NXPH1: variants seen among roughly 807,000 people sequenced by gnomAD.
NXPH1 encodes neurexophilin-1.
In NXPH1, 5 loss-of-function variants were observed where a neutral mutation model predicts 23.7. The ratio of observed to expected loss-of-function variants is 0.21; its 90% CI spans 0.11 to 0.44. The LOEUF (loss-of-function observed/expected upper bound fraction) is 0.44, where lower values mean the gene tolerates loss of function less well. Ranked by LOEUF, NXPH1 falls within the 20% of genes least tolerant of loss-of-function variation. The pLI, the probability that NXPH1 is intolerant of heterozygous loss-of-function variation, is 0.99. For synonymous variants in NXPH1, 144 were observed against 122.2 expected, an observed-to-expected ratio of 1.18 and a Z score of -1.18; for missense variants, 324 against 321.6, an observed-to-expected ratio of 1.01 and a Z score of -0.06.
chr7:8,503,949 G>C (rs1273091463), intron 2 of NXPH1, among the ~76,000 whole-genome samples: 2 of 151,946 alleles, frequency 1.3e-5, no homozygotes, highest in African/African-American at 2.4e-5. Context: ...CTACATTGTG[G>C]TCCTAAGTAG....
intron 2 of NXPH1, among the ~76,000 whole-genome samples, chr7:8,638,376 G>A (rs1016819357): frequency 2.0e-5 from 3 of 152,176 alleles, no homozygotes; most frequent in Non-Finnish European, 4.4e-5. Context: ...CCACTGGGGA[G>A]AATTAGAATC....
intron 2 of NXPH1, among the ~76,000 whole-genome samples, chr7:8,566,264 G>T (rs1373358848): frequency 6.6e-6 from 1 of 151,796 alleles, no homozygotes; most frequent in Non-Finnish European, 1.5e-5. Context: ...TGACACTGTG[G>T]TGCTCTCTTT....
chr7:8,573,714 T>C (rs7787487), intron 2 of NXPH1, among the ~76,000 whole-genome samples: 56,673 of 151,970 alleles, frequency 0.37, 12,440 homozygotes, highest in African/African-American at 0.62. Flanking sequence ...TTTAGAACTT[T>C]CTTCCAGTTA....
chr7:8,740,850 C>T (rs1352094362), intron 2 of NXPH1, among the ~76,000 whole-genome samples: 1 of 152,036 alleles, frequency 6.6e-6, no homozygotes, highest in Non-Finnish European at 1.5e-5. Flanking sequence ...TTACCACAAC[C>T]AAGCTAATTA....
chr7:8,509,885 A>T (rs1315541002), intron 2 of NXPH1, among the ~76,000 whole-genome samples: 4 of 152,174 alleles, frequency 2.6e-5, no homozygotes, highest in Non-Finnish European at 5.9e-5. Context: ...GAGAATTAGC[A>T]ATGATTATTT....
At chr7:8,491,134 T>G (rs111780666) in intron 2 of NXPH1, among the ~76,000 whole-genome samples, 2 of 152,176 alleles carry the variant, frequency 1.3e-5, no homozygotes, top group Non-Finnish European at 2.9e-5. Context: ...TCTGAAAATG[T>G]AATTTTACCA....
At chr7:8,627,362 CTCAGGGGAAATAGGTAATG>C (rs1820014983) in intron 2 of NXPH1, among the ~76,000 whole-genome samples, 1 of 152,066 alleles carries the variant, frequency 6.6e-6, no homozygotes, top group African/African-American at 2.4e-5. Context: ...GAGAAAAGAA[CTCAGGGGAAATAGGTAATG>C]AAATAAGCCT....
chr7:8,634,616 T>C (rs1820187569), intron 2 of NXPH1, among the ~76,000 whole-genome samples: 1 of 150,388 alleles, frequency 6.6e-6, no homozygotes, highest in Admixed American at 6.7e-5. Context: ...TTCTTTGGAG[T>C]GAGTTCTTTC....
At chr7:8,527,187 A>G (rs1457976581) in intron 2 of NXPH1, among the ~76,000 whole-genome samples, 1 of 152,212 alleles carries the variant, frequency 6.6e-6, no homozygotes, top group Non-Finnish European at 1.5e-5. Flanking sequence ...GGCCATTTTG[A>G]GTGGCCGCTT....
chr7:8,704,293 A>G (rs558585411), intron 2 of NXPH1, among the ~76,000 whole-genome samples: 3 of 152,250 alleles, frequency 2.0e-5, no homozygotes, highest in Middle Eastern at 6.8e-3. Flanking sequence ...GAAGGAAGGA[A>G]TAAAAGAGCA....
intron 2 of NXPH1, among the ~76,000 whole-genome samples, chr7:8,489,912 A>C (rs112109261): frequency 6.6e-6 from 1 of 152,066 alleles, no homozygotes; most frequent in Non-Finnish European, 1.5e-5. Context: ...CCCTGGTTCA[A>C]GGTAAATTGG....
chr7:8,688,927 C>T (rs538725734), intron 2 of NXPH1, among the ~76,000 whole-genome samples: 13 of 152,290 alleles, frequency 8.5e-5, no homozygotes, highest in African/African-American at 3.1e-4. Context: ...TTGAAACTGA[C>T]ATCTGTTAAT....
At chr7:8,726,386 C>T (rs999917988) in intron 2 of NXPH1, among the ~76,000 whole-genome samples, 1 of 150,690 alleles carries the variant, frequency 6.6e-6, no homozygotes, top group Non-Finnish European at 1.5e-5. Flanking sequence ...GCACAATGTG[C>T]AGGTTAGTTA....
At chr7:8,737,838 T>G (rs1203029147) in intron 2 of NXPH1, among the ~76,000 whole-genome samples, 3 of 152,208 alleles carry the variant, frequency 2.0e-5, no homozygotes, top group Non-Finnish European at 2.9e-5. Context: ...TTCCTTTTCA[T>G]TCTTTTTTCT....
At chr7:8,452,264 G>A (rs1410650038) in intron 2 of NXPH1, among the ~76,000 whole-genome samples, 5 of 152,104 alleles carry the variant, frequency 3.3e-5, no homozygotes, top group African/African-American at 9.7e-5. Context: ...TCCAATAACC[G>A]AATCCAAGTT....
At chr7:8,483,038 A>G (rs939300357) in intron 2 of NXPH1, among the ~76,000 whole-genome samples, 13 of 152,230 alleles carry the variant, frequency 8.5e-5, no homozygotes, top group Admixed American at 8.5e-4. Flanking sequence ...GCCTAGTGTG[A>G]CATGCATAGA....
intron 2 of NXPH1, among the ~76,000 whole-genome samples, chr7:8,444,650 G>T (rs569145625): frequency 6.6e-6 from 1 of 152,308 alleles, no homozygotes; most frequent in African/African-American, 2.4e-5. Context: ...AGTACTTAGG[G>T]TTAACTGAGG....
chr7:8,584,477 G>T (rs1477984844), intron 2 of NXPH1, among the ~76,000 whole-genome samples: 1 of 151,934 alleles, frequency 6.6e-6, no homozygotes, highest in Non-Finnish European at 1.5e-5. Context: ...TTTCATAGGG[G>T]GATAAAAGAT....
chr7:8,546,315 A>T (rs528924199), intron 2 of NXPH1, among the ~76,000 whole-genome samples: 89 of 151,530 alleles, frequency 5.9e-4, no homozygotes, highest in Non-Finnish European at 1.2e-3. Flanking sequence ...AATATGGAGG[A>T]AAGTATGTTC....
Sources: gnomAD v4.1 joint callset for allele counts (sites outside exome capture counted in the v4.1 genomes callset) on GRCh38, gnomAD v4.1.1 for gene constraint, MANE v1.5 for transcripts, NCBI Gene and HGNC (gene_info 2026-07-23, HGNC 2026-07-21) for gene names.